The following SGK3 variants were observed in gnomAD, a reference collection of about 807,000 sequenced individuals.
SGK3 encodes the protein serum/glucocorticoid regulated kinase family member 3, also known as serine/threonine-protein kinase Sgk3.
In SGK3, 47 loss-of-function variants were observed where a neutral mutation model predicts 68.5. That is an observed-to-expected ratio of 0.69 (90% CI 0.54 to 0.87). The LOEUF (loss-of-function observed/expected upper bound fraction) is 0.87. SGK3 is among the 40% of genes least tolerant of loss of function. The probability of loss-of-function intolerance (pLI) is 0.00; values close to 1 mark genes in which losing one functional copy is unlikely to be tolerated. For missense variants in SGK3, 479 were observed against 575.5 expected (o/e 0.83, Z 1.72); for synonymous variants, 181 against 189.1 (o/e 0.96, Z 0.35).
At chr8:66,758,170 A>G (rs1414202550) in intron 1 of SGK3, among the ~76,000 whole-genome samples, 1 of 151,908 alleles carries the variant, frequency 6.6e-6, no homozygotes, top group African/African-American at 2.4e-5. Flanking sequence ...CCTGACCAAC[A>G]TGGCGAAACC....
At chr8:66,842,709 A>G (rs1809844947) in intron 13 of SGK3, among the ~76,000 whole-genome samples, 1 of 152,220 alleles carries the variant, frequency 6.6e-6, no homozygotes, top group African/African-American at 2.4e-5. Context: ...TGCTGTTATA[A>G]TTCTCAGATG....
At chr8:66,785,573 C>T (rs952658986) in intron 1 of SGK3, among the ~76,000 whole-genome samples, 3 of 152,198 alleles carry the variant, frequency 2.0e-5, no homozygotes, top group African/African-American at 7.2e-5. Context: ...TCCCCCACCC[C>T]ACAAGTTGTG....
At chr8:66,810,562 G>T (rs907620646) in intron 4 of SGK3, among the ~76,000 whole-genome samples, 1 of 152,134 alleles carries the variant, frequency 6.6e-6, no homozygotes, top group African/African-American at 2.4e-5. Context: ...TTAGCCAGGC[G>T]TGGTGGCATA....
intron 16 of SGK3, among the ~76,000 whole-genome samples, chr8:66,851,551 T>G (rs1357711451): frequency 6.6e-6 from 1 of 150,774 alleles, no homozygotes; most frequent in Admixed American, 6.6e-5. Flanking sequence ...AAAACAGGTA[T>G]AGACAAACAT....
chr8:66,717,022 C>T (rs1804652758), intron 1 of SGK3, among the ~76,000 whole-genome samples: 1 of 151,380 alleles, frequency 6.6e-6, no homozygotes, highest in African/African-American at 2.4e-5. Flanking sequence ...ACGGCGAAAC[C>T]CTGTCTCTAC....
intron 15 of SGK3, among the ~76,000 whole-genome samples, chr8:66,850,445 C>G (rs1810232062): frequency 6.6e-6 from 1 of 152,174 alleles, no homozygotes; most frequent in African/African-American, 2.4e-5. Flanking sequence ...CTTTACCCAC[C>G]TACTCCAGTA....
At position 66,860,059 on chromosome 8, in the gene SGK3, CT is replaced by C. The variant is rs1810694004; in HGVS notation, c.*479del. On this transcript the variant is annotated 3_prime_UTR_variant, in exon 17 of 17. Transcript: ENST00000521198. The stretch of plus-strand genomic sequence containing the variant: ...AACCGTATTTTTCCATGATAAATCA[CT>C]GTTTGAAATATTTGGTTCATGGTAT... 1 of 152,934 alleles carries C rather than the reference CT, an allele frequency of 6.5e-6. No individual in the cohort carries two copies. Among genetic ancestry groups the C allele is most frequent in the Admixed American group, 6.5e-5 (1 of 15,286 alleles). 9.5% of individuals were successfully genotyped at this position (152,934 alleles called of 1,614,324 possible).
chr8:66,850,809 C>A, intron 15 of SGK3, 22 bp from the exon 16 acceptor site: 1 of 1,577,276 alleles, frequency 6.3e-7, no homozygotes, highest in Non-Finnish European at 8.6e-7. Context: ...ATTAGTAAAA[C>A]AAATTTTTTT....
intron 1 of SGK3, among the ~76,000 whole-genome samples, chr8:66,714,832 T>C (rs969275571): frequency 5.3e-5 from 8 of 152,190 alleles, no homozygotes; most frequent in African/African-American, 1.9e-4. Context: ...AATGTTAAAG[T>C]GCTTTAGCCT....
In SGK3 at chr8:66,731,658, C is replaced by T. The variant is rs112278549; in HGVS notation, c.-122+18825C>T. Among the ~76,000 whole-genome samples the T allele has an allele frequency of 3.3e-3, 505 of 152,206 alleles. 1 individual carries two copies. The highest frequency in any genetic ancestry group is 0.011 in the African/African-American group (474 of 41,528). On this transcript the variant is annotated intron_variant, in intron 1 of 16. Transcript: ENST00000521198. ...CATGCCATTCTCCTGCCTCAGCCTC[C>T]CGAGTAGCTGGGACTACAGGCGCAT...
rs758557227 is a variant in SGK3 at position 66,841,072 on chromosome 8, A to G, written c.940A>G (p.Ile314Val). Reference sequence around the variant, plus strand: ...TGGGCTTTGTAAAGAAGGAATTGCTATTTCTGACACCACTACCACATTTTG... The same window carrying G: ...TGGGCTTTGTAAAGAAGGAATTGCTGTTTCTGACACCACTACCACATTTTG... ...DFGLCKEGIA[I>V]SDTTTTFCGT... is the part of the protein sequence containing the mutation. Residue 314 changes from isoleucine to valine, a missense_variant, in exon 13 of 17, where the codon ATT (isoleucine) becomes GTT (valine). Around this residue, in one of 3 missense-constraint regions of SGK3, gnomAD observed 173 missense variants for 214.3 expected, o/e 0.81. Coordinates refer to ENST00000521198, the MANE Select transcript of SGK3 (RefSeq NM_001033578.3). 2 of 1,599,050 alleles carry G rather than the reference A, an allele frequency of 1.3e-6. No individual in the cohort carries two copies. Among genetic ancestry groups the G allele is most frequent in the Non-Finnish European group, 1.7e-6 (2 of 1,172,952 alleles).
intron 1 of SGK3, among the ~76,000 whole-genome samples, chr8:66,716,509 C>G (rs1376291432): frequency 7.9e-6 from 1 of 126,816 alleles, no homozygotes; most frequent in Non-Finnish European, 1.5e-5. Context: ...AGTTCACCTC[C>G]TGGTGGCCAC....
intron 16 of SGK3, among the ~76,000 whole-genome samples, chr8:66,857,450 G>T (rs1342415092): frequency 6.6e-6 from 1 of 152,082 alleles, no homozygotes; most frequent in African/African-American, 2.4e-5. Context: ...TGGACTTTAA[G>T]AATGAATCAC....
intron 1 of SGK3, among the ~76,000 whole-genome samples, chr8:66,745,536 T>C (rs1444884741): frequency 6.6e-6 from 1 of 151,874 alleles, no homozygotes; most frequent in Non-Finnish European, 1.5e-5. Context: ...ACCACGCCAC[T>C]GCACTCCAGC....
chr8:66,813,271 T>A (rs1002065151), intron 4 of SGK3, among the ~76,000 whole-genome samples: 7 of 152,042 alleles, frequency 4.6e-5, no homozygotes, highest in African/African-American at 1.4e-4. Context: ...AAAAGAAAAA[T>A]TTTTAAAAAG....
chr8:66,739,886 G>A (rs1400879151), intron 1 of SGK3, among the ~76,000 whole-genome samples: 3 of 152,142 alleles, frequency 2.0e-5, no homozygotes, highest in Admixed American at 6.5e-5. Flanking sequence ...GATCTCATGA[G>A]AACTTATCTA....
At chr8:66,792,471 A>C (rs1277819199) in intron 1 of SGK3, among the ~76,000 whole-genome samples, 1 of 152,218 alleles carries the variant, frequency 6.6e-6, no homozygotes, top group East Asian at 1.9e-4. Context: ...GCCTGCTGAT[A>C]TATATTTTAA....
chr8:66,829,865 G>T (rs981675626), intron 7 of SGK3, among the ~76,000 whole-genome samples: 4 of 150,106 alleles, frequency 2.7e-5, no homozygotes, highest in African/African-American at 9.7e-5. Flanking sequence ...CACAAAAAAT[G>T]GATTTTTTTT....
intron 16 of SGK3, among the ~76,000 whole-genome samples, chr8:66,858,515 C>T (rs1176976564): frequency 6.6e-6 from 1 of 151,732 alleles, no homozygotes; most frequent in Non-Finnish European, 1.5e-5. Flanking sequence ...TACCTGAGAC[C>T]TTTTTCTAAA....
Sources: allele counts gnomAD v4.1 joint callset (sites outside exome capture counted in the v4.1 genomes callset), GRCh38; gene constraint gnomAD v4.1.1; regional missense constraint gnomAD v4.1.1; transcripts MANE v1.5; gene names NCBI Gene and HGNC (gene_info 2026-07-23, HGNC 2026-07-21).